UNC5D: variants seen among roughly 807,000 people sequenced by gnomAD.
UNC5D encodes the protein unc-5 netrin receptor D.
Under a neutral mutation model 105.4 loss-of-function variants are expected in UNC5D, and 39 were observed. The ratio of observed to expected loss-of-function variants is 0.37; its 90% CI spans 0.29 to 0.48. UNC5D has a LOEUF of 0.48. UNC5D is among the 20% of genes least tolerant of loss of function. The pLI, the probability that UNC5D is intolerant of heterozygous loss-of-function variation, is 0.98. For missense variants in UNC5D, 991 were observed against 1,202.4 expected (o/e 0.82, Z 2.60); for synonymous variants, 452 against 450.4 (o/e 1.00, Z -0.04).
intron 8 of UNC5D, among the ~76,000 whole-genome samples, chr8:35,715,218 C>T (rs916667655): frequency 1.3e-4 from 19 of 151,974 alleles, no homozygotes; most frequent in African/African-American, 4.1e-4. Flanking sequence ...GATAAGATAG[C>T]GTACATTTTC....
chr8:35,479,378 A>C (rs186133299), intron 1 of UNC5D, among the ~76,000 whole-genome samples: 314 of 152,308 alleles, frequency 2.1e-3, no homozygotes, highest in African/African-American at 5.8e-3. Context: ...TATTAACAAA[A>C]TGTACTCTAT....
At chr8:35,747,062 T>C (rs890177313) in intron 11 of UNC5D, among the ~76,000 whole-genome samples, 1 of 152,210 alleles carries the variant, frequency 6.6e-6, no homozygotes, top group Non-Finnish European at 1.5e-5. Context: ...AACCTGTGTT[T>C]TGCTCGTATA....
chr8:35,242,851 G>A (rs900209832), intron 1 of UNC5D, among the ~76,000 whole-genome samples: 1 of 152,086 alleles, frequency 6.6e-6, no homozygotes, highest in Non-Finnish European at 1.5e-5. Context: ...GGTAGTTTAG[G>A]GTTGCTTAGA....
intron 7 of UNC5D, among the ~76,000 whole-genome samples, chr8:35,691,769 G>A (rs1424719890): frequency 6.6e-6 from 1 of 152,154 alleles, no homozygotes; most frequent in Non-Finnish European, 1.5e-5. Context: ...TGTGCTCTCA[G>A]ATCACAGCCA....
At chr8:35,464,155 C>T (rs889843367) in intron 1 of UNC5D, among the ~76,000 whole-genome samples, 11 of 152,034 alleles carry the variant, frequency 7.2e-5, no homozygotes, top group Non-Finnish European at 1.2e-4. Context: ...GGCGAAACCC[C>T]ATCTCTACTA....
intron 4 of UNC5D, among the ~76,000 whole-genome samples, chr8:35,598,339 C>T (rs1819620338): frequency 6.6e-6 from 1 of 152,144 alleles, no homozygotes; most frequent in Non-Finnish European, 1.5e-5. Flanking sequence ...ATTGCTGTAT[C>T]CTCAGAACAT....
intron 4 of UNC5D, among the ~76,000 whole-genome samples, chr8:35,600,939 C>T (rs916072925): frequency 3.3e-5 from 5 of 152,132 alleles, no homozygotes; most frequent in African/African-American, 1.2e-4. Flanking sequence ...TTAGGTCTAA[C>T]ATTTAAGTCT....
Position 35,374,487 on chromosome 8 carries a change from A to C in UNC5D, c.103+138600A>C, listed in dbSNP as rs370694890. On this transcript the variant is annotated intron_variant, in intron 1 of 16. Transcript: ENST00000404895. ...TGTGCAAAGCTTTTGTTTATGAAGA[A>C]TAGACTAAGTATGGTAGAGTTAGGT... Among the ~76,000 whole-genome samples the C allele has an allele frequency of 3.9e-5, 6 of 152,312 alleles. No individual in the cohort carries two copies. The East Asian group carries it at 1.2e-3, about 29-fold the overall frequency.
intron 16 of UNC5D, among the ~76,000 whole-genome samples, chr8:35,786,512 T>C (rs1802748882): frequency 6.6e-6 from 1 of 152,144 alleles, no homozygotes; most frequent in Non-Finnish European, 1.5e-5. Flanking sequence ...TACTCACCAA[T>C]ATTTTTAATA....
At chr8:35,560,405 A>C in intron 2 of UNC5D, among the ~76,000 whole-genome samples, 1 of 152,218 alleles carries the variant, frequency 6.6e-6, no homozygotes, top group Non-Finnish European at 1.5e-5. Flanking sequence ...TATATCACGT[A>C]TATGTATGCA....
intron 1 of UNC5D, among the ~76,000 whole-genome samples, chr8:35,313,353 G>A (rs770066846): frequency 1.1e-4 from 16 of 152,102 alleles, no homozygotes; most frequent in Non-Finnish European, 1.3e-4. Context: ...GTCGAACTGT[G>A]CTACAGAAAG....
At chr8:35,243,971 G>T (rs937523533) in intron 1 of UNC5D, among the ~76,000 whole-genome samples, 30 of 152,268 alleles carry the variant, frequency 2.0e-4, no homozygotes, top group African/African-American at 6.7e-4. Context: ...TTGTAAGAGG[G>T]TTTGACATTT....
chr8:35,237,844 C>T (rs527740412), intron 1 of UNC5D, among the ~76,000 whole-genome samples: 11 of 152,302 alleles, frequency 7.2e-5, no homozygotes, highest in East Asian at 5.8e-4. Context: ...GCTGTGAAAC[C>T]GGTGAAGCCA....
chr8:35,574,637 A>G (rs1817969198), intron 3 of UNC5D, among the ~76,000 whole-genome samples: 1 of 152,196 alleles, frequency 6.6e-6, no homozygotes, highest in African/African-American at 2.4e-5. Flanking sequence ...CATGGCTTTG[A>G]CAAATAATTT....
At chr8:35,786,394 G>C (rs920274445) in intron 16 of UNC5D, among the ~76,000 whole-genome samples, 1 of 152,070 alleles carries the variant, frequency 6.6e-6, no homozygotes, top group South Asian at 2.1e-4. Flanking sequence ...ATTTAGCTTC[G>C]TTTAGCCGTG....
chr8:35,610,129 A>T (rs920194625), intron 4 of UNC5D, among the ~76,000 whole-genome samples: 1 of 152,118 alleles, frequency 6.6e-6, no homozygotes, highest in African/African-American at 2.4e-5. Context: ...ATTTGAAAAA[A>T]AAAAAGTGCT....
intron 8 of UNC5D, among the ~76,000 whole-genome samples, chr8:35,707,904 G>T (rs1359021490): frequency 1.3e-5 from 2 of 152,120 alleles, no homozygotes; most frequent in Non-Finnish European, 2.9e-5. Context: ...TTTAATTTGT[G>T]ATTTCTCTAA....
chr8:35,507,368 T>C (rs1449098178), intron 1 of UNC5D, among the ~76,000 whole-genome samples: 2 of 152,140 alleles, frequency 1.3e-5, no homozygotes, highest in Non-Finnish European at 2.9e-5. Flanking sequence ...GCTTTTCTTA[T>C]CAGTTCCTCT....
chr8:35,244,017 A>G (rs1216809436), intron 1 of UNC5D, among the ~76,000 whole-genome samples: 1 of 152,210 alleles, frequency 6.6e-6, no homozygotes. Context: ...ATTCCTAGAT[A>G]GATTCTTCTA....
Sources: gnomAD v4.1 joint callset for allele counts (sites outside exome capture counted in the v4.1 genomes callset) on GRCh38, gnomAD v4.1.1 for gene constraint, MANE v1.5 for transcripts, NCBI Gene and HGNC (gene_info 2026-07-23, HGNC 2026-07-21) for gene names.